DPP10: variants seen among roughly 807,000 people sequenced by gnomAD.
DPP10 encodes inactive dipeptidyl peptidase 10.
In DPP10, 33 loss-of-function variants were observed where a neutral mutation model predicts 120.9. The observed-to-expected ratio is 0.27, with a 90% confidence interval of 0.21 to 0.37. The LOEUF is 0.37. DPP10 is among the 10% of genes least tolerant of loss of function. The pLI is 1.00. For missense variants in DPP10, 816 were observed against 942.8 expected (o/e 0.87, Z 1.76); for synonymous variants, 337 against 326.1 (o/e 1.03, Z -0.36).
chr2:115,230,276 T>A (rs565555754), intron 1 of DPP10, among the ~76,000 whole-genome samples: 11 of 152,034 alleles, frequency 7.2e-5, no homozygotes, highest in Non-Finnish European at 1.5e-4. Flanking sequence ...ATTTTATGTC[T>A]TGCAGCTTTA....
At chr2:114,740,744 G>C (rs1677966890) in intron 1 of DPP10, among the ~76,000 whole-genome samples, 1 of 152,118 alleles carries the variant, frequency 6.6e-6, no homozygotes, top group Admixed American at 6.5e-5. Flanking sequence ...TATTTTTGAA[G>C]GTCTGATGTT....
intron 5 of DPP10, among the ~76,000 whole-genome samples, chr2:115,554,538 A>G (rs2080088925): frequency 6.6e-6 from 1 of 152,098 alleles, no homozygotes; most frequent in Admixed American, 6.6e-5. Flanking sequence ...TATATTGATT[A>G]TAGTAGCCCC....
At chr2:115,640,729 G>C (rs1488424752) in intron 5 of DPP10, among the ~76,000 whole-genome samples, 1 of 152,136 alleles carries the variant, frequency 6.6e-6, no homozygotes, top group East Asian at 1.9e-4. Flanking sequence ...CTGCTGGGAA[G>C]CTTTACGAGA....
intron 1 of DPP10, among the ~76,000 whole-genome samples, chr2:114,542,140 C>T (rs1041431647): frequency 2.0e-5 from 3 of 150,772 alleles, no homozygotes; most frequent in East Asian, 1.9e-4. Flanking sequence ...CTCCACTTCC[C>T]GGGTTCCAGT....
intron 5 of DPP10, among the ~76,000 whole-genome samples, chr2:115,625,560 A>G (rs1281960406): frequency 5.9e-5 from 9 of 152,130 alleles, no homozygotes; most frequent in African/African-American, 1.7e-4. Flanking sequence ...TTGTTGATAA[A>G]AGGATTAAGA....
chr2:115,639,321 C>T (rs762836599), intron 5 of DPP10, among the ~76,000 whole-genome samples: 9 of 152,182 alleles, frequency 5.9e-5, no homozygotes, highest in Non-Finnish European at 5.9e-5. Context: ...AAATGTAATA[C>T]TCCATATTTG....
intron 4 of DPP10, among the ~76,000 whole-genome samples, chr2:115,505,409 C>T (rs1024898929): frequency 1.3e-5 from 2 of 152,060 alleles, no homozygotes; most frequent in African/African-American, 2.4e-5. Flanking sequence ...AAAAGGATTA[C>T]AATTCCAGTG....
At chr2:115,752,601 A>G (rs1678887351) in intron 10 of DPP10, among the ~76,000 whole-genome samples, 1 of 152,202 alleles carries the variant, frequency 6.6e-6, no homozygotes, top group Non-Finnish European at 1.5e-5. Context: ...TACAACTGGC[A>G]AAGACCAAAA....
intron 1 of DPP10, among the ~76,000 whole-genome samples, chr2:114,552,330 G>T (rs1164221417): frequency 1.2e-5 from 1 of 86,628 alleles, no homozygotes; most frequent in Non-Finnish European, 2.8e-5. Flanking sequence ...GTTTTGTATT[G>T]ATTCCCATTA....
chr2:115,824,932 T>A (rs1688163144), intron 21 of DPP10, among the ~76,000 whole-genome samples: 1 of 152,156 alleles, frequency 6.6e-6, no homozygotes. Flanking sequence ...TTAAATTAAT[T>A]ACCTTCTAAA....
chr2:115,679,943 A>C (rs747060612), intron 5 of DPP10, among the ~76,000 whole-genome samples: 1 of 152,040 alleles, frequency 6.6e-6, no homozygotes, highest in Admixed American at 6.6e-5. Context: ...TCGGGCAACT[A>C]TAGTTAACAA....
At chr2:114,478,598 G>T (rs979818596) in intron 1 of DPP10, among the ~76,000 whole-genome samples, 1 of 151,934 alleles carries the variant, frequency 6.6e-6, no homozygotes, top group African/African-American at 2.4e-5. Context: ...AGGAAGGAAG[G>T]AATGAAGGAT....
intron 3 of DPP10, among the ~76,000 whole-genome samples, chr2:115,454,974 TAAG>T (rs985489934): frequency 2.0e-5 from 3 of 150,962 alleles, no homozygotes; most frequent in African/African-American, 7.3e-5. Flanking sequence ...ACATCAGAAA[TAAG>T]ATACACAAAA....
rs1460751547 is a variant in DPP10 at position 114,901,778 on chromosome 2, G to T, written c.61-407461G>T. 3.3e-5 allele frequency among the ~76,000 whole-genome samples: 5 copies of T among 152,290 alleles called. No individual in the cohort carries two copies. The East Asian group carries it at 7.7e-4, about 24-fold the overall frequency. On this transcript the variant is annotated intron_variant, in intron 1 of 25. Coordinates refer to ENST00000410059, the MANE Select transcript of DPP10 (RefSeq NM_020868.6). ...AGCTTTCAGTGAAAATTTTAAAGAA[G>T]TGGGATCAAGAACCTTAAGCTCTTT... is the stretch of plus-strand genomic sequence containing the variant.
chr2:114,476,448 C>T (rs1324098055), intron 1 of DPP10, among the ~76,000 whole-genome samples: 1 of 152,100 alleles, frequency 6.6e-6, no homozygotes, highest in Non-Finnish European at 1.5e-5. Context: ...ATGAATGGCT[C>T]TCAAATGTTT....
intron 16 of DPP10, among the ~76,000 whole-genome samples, chr2:115,781,809 A>G (rs1240198558): frequency 1.3e-5 from 2 of 152,010 alleles, no homozygotes; most frequent in Admixed American, 6.6e-5. Flanking sequence ...TGAAGTTTCA[A>G]GATAACTTTT....
rs139955416 is a variant in DPP10 at position 114,921,439 on chromosome 2, C to T, written c.61-387800C>T. ...CAAATATTGTGTGTTTAACTCAATA[C>T]ACAGGTGAAATCGTTTTTCAAATTA... On this transcript the variant is annotated intron_variant, in intron 1 of 25. Coordinates refer to ENST00000410059, the MANE Select transcript of DPP10 (RefSeq NM_020868.6). Among the ~76,000 whole-genome samples, 751 of 152,268 alleles carry T rather than the reference C, an allele frequency of 4.9e-3. 6 individuals carry two copies. The highest frequency in any genetic ancestry group is 0.018 in the African/African-American group (730 of 41,566).
chr2:115,421,764 A>G (rs1054250616), intron 3 of DPP10, among the ~76,000 whole-genome samples: 2 of 149,358 alleles, frequency 1.3e-5, no homozygotes, highest in African/African-American at 4.9e-5. Flanking sequence ...TCAGCTACTC[A>G]GGAGGCTGAG....
Position 115,597,484 on chromosome 2 carries a change from C to T in DPP10, c.441+71512C>T, listed in dbSNP as rs186191802. 6.0e-5 allele frequency among the ~76,000 whole-genome samples: 9 copies of T among 151,068 alleles called. No homozygotes were observed. In the East Asian group the frequency reaches 1.6e-3, roughly 26 times the overall value. ...AAGTTTTAGCCAACTAAAAATATTC[C>T]GCAAAACAGGATCCAAAAAGAGAAA... On this transcript the variant is annotated intron_variant, in intron 5 of 25. Coordinates refer to ENST00000410059, the MANE Select transcript of DPP10 (RefSeq NM_020868.6).
Sources: gnomAD v4.1 joint callset for allele counts (sites outside exome capture counted in the v4.1 genomes callset) on GRCh38, gnomAD v4.1.1 for gene constraint, MANE v1.5 for transcripts, NCBI Gene and HGNC (gene_info 2026-07-23, HGNC 2026-07-21) for gene names.